CCDC172: variants seen among roughly 807,000 people sequenced by gnomAD.
CCDC172 encodes coiled-coil domain containing 172, also known as coiled-coil domain-containing protein 172.
Under a neutral mutation model 38.0 loss-of-function variants are expected in CCDC172, and 30 were observed. That is an observed-to-expected ratio of 0.79 (90% CI 0.59 to 1.07). The LOEUF is 1.07. CCDC172 is among the 50% of genes least tolerant of loss of function. CCDC172 has a pLI of 0.00. For synonymous variants in CCDC172, 78 were observed against 88.3 expected (o/e 0.88, Z 0.66); for missense variants, 297 against 290.1 (o/e 1.02, Z -0.17).
intron 5 of CCDC172, among the ~76,000 whole-genome samples, chr10:116,354,924 G>A (rs1844976902): frequency 1.3e-5 from 2 of 152,152 alleles, no homozygotes; most frequent in Non-Finnish European, 2.9e-5. Context: ...TACAAAAAAA[G>A]TTTAAGAAGT....
intron 3 of CCDC172, among the ~76,000 whole-genome samples, chr10:116,336,260 T>C (rs1171800619): frequency 1.3e-5 from 2 of 148,442 alleles, no homozygotes; most frequent in Non-Finnish European, 3.0e-5. Context: ...GTATGTAGTA[T>C]ATATTATATG....
intron 7 of CCDC172, among the ~76,000 whole-genome samples, chr10:116,361,111 AG>A: frequency 1.3e-5 from 2 of 150,574 alleles, no homozygotes; most frequent in Non-Finnish European, 3.0e-5. Flanking sequence ...TCTGTATCCC[AG>A]AGCAAGGGAT....
chr10:116,346,454 G>A (rs1844868522), intron 5 of CCDC172, among the ~76,000 whole-genome samples: 2 of 151,968 alleles, frequency 1.3e-5, no homozygotes, highest in African/African-American at 2.4e-5. Flanking sequence ...GCAAACTAAC[G>A]TAAAGCCATG....
chr10:116,349,167 G>A (rs1242618628), intron 5 of CCDC172, among the ~76,000 whole-genome samples: 1 of 152,110 alleles, frequency 6.6e-6, no homozygotes, highest in Non-Finnish European at 1.5e-5. Context: ...CCCCCAGATG[G>A]GACGGTCTTG....
At chr10:116,373,056 GATAGAAATTTGGAGCT>G (rs1845205012) in intron 7 of CCDC172, among the ~76,000 whole-genome samples, 1 of 152,106 alleles carries the variant, frequency 6.6e-6, no homozygotes, top group African/African-American at 2.4e-5. Context: ...GACTATACCA[GATAGAAATTTGGAGCT>G]ATGCAAAGAA....
chr10:116,379,219 G>C, intron 8 of CCDC172, 104 bp from the exon 9 acceptor site: 1 of 552,146 alleles, frequency 1.8e-6, no homozygotes, highest in Non-Finnish European at 3.0e-6. Context: ...ATATAATTAA[G>C]AAATGCCCAG....
chr10:116,359,353 CTG>C (rs1845037167), intron 7 of CCDC172, among the ~76,000 whole-genome samples: 1 of 152,164 alleles, frequency 6.6e-6, no homozygotes, highest in African/African-American at 2.4e-5. Flanking sequence ...TTTTTCATCT[CTG>C]TGTTCAAATG....
chr10:116,344,317 C>T (rs1844837210), intron 5 of CCDC172, among the ~76,000 whole-genome samples: 1 of 152,326 alleles, frequency 6.6e-6, no homozygotes, highest in African/African-American at 2.4e-5. Context: ...TAACCTATTA[C>T]ACACCTGGGC....
At chr10:116,362,658 G>A (rs1487366338) in intron 7 of CCDC172, among the ~76,000 whole-genome samples, 2 of 152,164 alleles carry the variant, frequency 1.3e-5, no homozygotes, top group Non-Finnish European at 2.9e-5. Flanking sequence ...GTTCTACAGT[G>A]TCCTCAAAAT....
At chr10:116,350,072 TTTAGAG>T (rs1469576238) in intron 5 of CCDC172, among the ~76,000 whole-genome samples, 1 of 152,126 alleles carries the variant, frequency 6.6e-6, no homozygotes, top group Admixed American at 6.6e-5. Context: ...GCCTAAGGCA[TTTAGAG>T]TTAAAGGAGA....
chr10:116,355,222 C>G (rs374833781), intron 5 of CCDC172, among the ~76,000 whole-genome samples: 1 of 152,270 alleles, frequency 6.6e-6, no homozygotes, highest in East Asian at 1.9e-4. Flanking sequence ...GTATCTTACA[C>G]AGGTATACCA....
intron 5 of CCDC172, among the ~76,000 whole-genome samples, chr10:116,354,266 T>C (rs1032374961): frequency 6.6e-6 from 1 of 152,192 alleles, no homozygotes; most frequent in African/African-American, 2.4e-5. Context: ...AGATAATAAA[T>C]GACTATGTCA....
intron 3 of CCDC172, among the ~76,000 whole-genome samples, chr10:116,327,797 ATT>A (rs1844609538): frequency 6.6e-6 from 1 of 152,104 alleles, no homozygotes; most frequent in African/African-American, 2.4e-5. Context: ...GTGCATAAAG[ATT>A]TTAAAAGTGG....
chr10:116,351,812 C>T (rs1202705211), intron 5 of CCDC172, among the ~76,000 whole-genome samples: 1 of 152,066 alleles, frequency 6.6e-6, no homozygotes, highest in Non-Finnish European at 1.5e-5. Flanking sequence ...TGGATAGTAG[C>T]ACTGGGAGGA....
intron 3 of CCDC172, among the ~76,000 whole-genome samples, chr10:116,335,323 T>G: frequency 6.6e-6 from 1 of 152,016 alleles, no homozygotes. Flanking sequence ...CGTGTATATA[T>G]CTATACTTGT....
intron 7 of CCDC172, among the ~76,000 whole-genome samples, chr10:116,377,502 T>C (rs1415655108): frequency 5.9e-5 from 9 of 152,184 alleles, no homozygotes; most frequent in African/African-American, 2.2e-4. Context: ...ACCTATTTTT[T>C]TGTGATTCCC....
At chr10:116,343,383 C>G (rs1380334024) in intron 5 of CCDC172, among the ~76,000 whole-genome samples, 4 of 152,050 alleles carry the variant, frequency 2.6e-5, no homozygotes, top group Non-Finnish European at 5.9e-5. Flanking sequence ...TGTTATATAG[C>G]AATTCTGAAA....
chr10:116,343,624 T>C (rs564195420), intron 5 of CCDC172, among the ~76,000 whole-genome samples: 4 of 152,176 alleles, frequency 2.6e-5, no homozygotes, highest in African/African-American at 7.2e-5. Context: ...TTTTTTTTAC[T>C]GCCTCTGTCC....
chr10:116,378,776 G>A (rs1339060648), intron 8 of CCDC172, among the ~76,000 whole-genome samples: 1 of 152,098 alleles, frequency 6.6e-6, no homozygotes, highest in African/African-American at 2.4e-5. Flanking sequence ...CTTTAGATCT[G>A]ACCTCATAAC....
Sources: gnomAD v4.1 joint callset for allele counts (sites outside exome capture counted in the v4.1 genomes callset) on GRCh38, gnomAD v4.1.1 for gene constraint, MANE v1.5 for transcripts, NCBI Gene and HGNC (gene_info 2026-07-23, HGNC 2026-07-21) for gene names.